Variants in CEP162 observed in about 807,000 individuals in gnomAD.
CEP162 encodes centrosomal protein of 162 kDa.
A neutral mutation model predicts 169.2 loss-of-function variants in CEP162; 141 were observed. The observed-to-expected ratio is 0.83, with a 90% confidence interval of 0.73 to 0.96. CEP162 has a LOEUF of 0.96. Ranked by LOEUF, CEP162 falls within the 40% of genes least tolerant of loss-of-function variation. The probability of loss-of-function intolerance (pLI) is 0.00; values close to 1 mark genes in which losing one functional copy is unlikely to be tolerated. For missense variants in CEP162, 1,600 were observed against 1,587.2 expected, an observed-to-expected ratio of 1.01 and a Z score of -0.14; for synonymous variants, 540 against 526.4, an observed-to-expected ratio of 1.03 and a Z score of -0.35.
rs1343054435 is a variant in CEP162, at chr6:84,193,669, A to G, written c.1049T>C (p.Leu350Pro). Residue 350 changes from leucine (L) to proline (P), a missense_variant, in exon 11 of 27, where the codon CTG becomes CCG. Physicochemically the swap from Leu to Pro is moderately conservative, Grantham distance 98. Transcript: ENST00000403245. ...MESDLPTVEE[L>P]MKPIRIDSFG... ...GGAATCTATTCTGATAGGTTTCATCAGCTCCTCTACTGTGGGCAGATCTAA... is the reference window on the plus strand; with the variant it reads ...GGAATCTATTCTGATAGGTTTCATCGGCTCCTCTACTGTGGGCAGATCTAA... 2 of 1,567,608 alleles carry G rather than the reference A, an allele frequency of 1.3e-6. No homozygotes were observed. Among genetic ancestry groups the G allele is most frequent in the Non-Finnish European group, 8.7e-7 (1 of 1,154,654 alleles).
intron 13 of CEP162, among the ~76,000 whole-genome samples, chr6:84,180,959 T>C (rs2099534549): frequency 6.6e-6 from 1 of 152,182 alleles, no homozygotes; most frequent in East Asian, 1.9e-4. Flanking sequence ...CCCATCAAGC[T>C]ACCAATGACT....
chr6:84,175,469 G>A, intron 13 of CEP162, 122 bp from the exon 14 acceptor site: 1 of 656,422 alleles, frequency 1.5e-6, no homozygotes, highest in Non-Finnish European at 2.5e-6. Flanking sequence ...AGAATAGGCT[G>A]ATGGACTACA....
intron 24 of CEP162, among the ~76,000 whole-genome samples, chr6:84,149,206 G>A (rs944043583): frequency 1.2e-4 from 18 of 151,968 alleles, no homozygotes; most frequent in Admixed American, 1.3e-4. Context: ...TTGGGGACTC[G>A]GTTCAACATC....
chr6:84,140,888 T>C (rs2099516302), intron 25 of CEP162, among the ~76,000 whole-genome samples: 1 of 152,158 alleles, frequency 6.6e-6, no homozygotes, highest in South Asian at 2.1e-4. Context: ...GACTTTTTGG[T>C]ACCAGGGACT....
intron 19 of CEP162, 39 bp downstream of exon 19, chr6:84,163,105 A>T: frequency 6.3e-7 from 1 of 1,597,184 alleles, no homozygotes; most frequent in Non-Finnish European, 8.6e-7. Context: ...TAGAACAGTT[A>T]TGATTATAAA....
intron 23 of CEP162, 90 bp from the exon 24 acceptor site, chr6:84,149,793 G>C: frequency 8.7e-7 from 1 of 1,150,902 alleles, no homozygotes. Context: ...AGAAACCTGG[G>C]AATTAAGCAA....
intron 17 of CEP162, among the ~76,000 whole-genome samples, chr6:84,170,533 T>G (rs1562037752): frequency 6.6e-6 from 1 of 152,116 alleles, no homozygotes; most frequent in Non-Finnish European, 1.5e-5. Flanking sequence ...CTTTTTCTAT[T>G]TTGCCTGACA....
intron 13 of CEP162, among the ~76,000 whole-genome samples, chr6:84,184,109 T>C (rs908032249): frequency 2.0e-5 from 3 of 152,158 alleles, no homozygotes; most frequent in African/African-American, 7.2e-5. Context: ...ACTGTGCACA[T>C]GATCCCTTCT....
intron 7 of CEP162, among the ~76,000 whole-genome samples, chr6:84,202,744 G>A (rs1393597856): frequency 6.6e-6 from 1 of 150,960 alleles, no homozygotes; most frequent in Non-Finnish European, 1.5e-5. Flanking sequence ...TGGCCAGGCT[G>A]GTGACCTATT....
Position 84,125,152 on chromosome 6 carries a change from A to G in CEP162, c.4130T>C (p.Leu1377Ser). The G allele has an allele frequency of 6.2e-7, 1 of 1,613,560 alleles. No individual in the cohort carries two copies. Among genetic ancestry groups the G allele is most frequent in the Middle Eastern group, 1.6e-4 (1 of 6,062 alleles). Residue 1377 changes from leucine to serine, a missense_variant, in exon 27 of 27, where the codon TTA (leucine) becomes TCA (serine). Transcript: ENST00000403245. Reference sequence around the variant, plus strand: ...CCGGTGCAGCTCTCGGAGAACATCTAATATTGAGTCTAGTTCTGTGCGGAA... The same window carrying G: ...CCGGTGCAGCTCTCGGAGAACATCTGATATTGAGTCTAGTTCTGTGCGGAA... Reference protein sequence around the residue: ...EKFRTELDSILDVLRELHRQG... With the variant: ...EKFRTELDSISDVLRELHRQG...
intron 2 of CEP162, among the ~76,000 whole-genome samples, chr6:84,225,403 C>T (rs1424613239): frequency 6.6e-6 from 1 of 152,134 alleles, no homozygotes; most frequent in Non-Finnish European, 1.5e-5. Flanking sequence ...GAAAAGTAAA[C>T]ATATGGTACA....
At chr6:84,223,779 C>T (rs1266394875) in intron 2 of CEP162, among the ~76,000 whole-genome samples, 1 of 151,618 alleles carries the variant, frequency 6.6e-6, no homozygotes, top group Non-Finnish European at 1.5e-5. Flanking sequence ...TGGTGGCAGG[C>T]GCCTGTAATC....
intron 6 of CEP162, among the ~76,000 whole-genome samples, chr6:84,211,079 C>A: frequency 6.6e-6 from 1 of 151,606 alleles, no homozygotes; most frequent in Non-Finnish European, 1.5e-5. Context: ...AACTAAATAG[C>A]CAACAGAAAA....
At chr6:84,217,303 G>C (rs1350824907) in intron 3 of CEP162, among the ~76,000 whole-genome samples, 1 of 152,096 alleles carries the variant, frequency 6.6e-6, no homozygotes, top group Admixed American at 6.5e-5. Context: ...AATAAAACAA[G>C]AAAGAGGAAC....
chr6:84,219,175 C>A (rs1235257177), intron 3 of CEP162: 3 of 1,290,070 alleles, frequency 2.3e-6, no homozygotes, highest in Non-Finnish European at 3.1e-6. Flanking sequence ...GTTCTACACT[C>A]TTGATACAGG....
At position 84,125,077 on chromosome 6, in the gene CEP162, T is replaced by G; in HGVS notation, c.4205A>C (p.Glu1402Ala). 1.2e-6 allele frequency: 2 copies of G among 1,610,634 alleles called. No individual in the cohort carries two copies. Among genetic ancestry groups the G allele is most frequent in the Non-Finnish European group, 1.7e-6 (2 of 1,177,738 alleles). The part of the protein sequence containing the change: ...VAFADEMNAP[E>A]Y ...ATGAAATCTGAATTTCTATTAATAC[T>G]CTGGTGCATTCATTTCATCTGCAAA... Residue 1402 changes from glutamate (E) to alanine (A), a missense_variant, in exon 27 of 27, where the codon GAG becomes GCG. Physicochemically the swap from Glu to Ala is moderately radical, Grantham distance 107. Transcript: ENST00000403245.
intron 2 of CEP162, among the ~76,000 whole-genome samples, chr6:84,223,681 C>T (rs914354753): frequency 4.6e-5 from 7 of 151,622 alleles, no homozygotes; most frequent in Admixed American, 2.6e-4. Flanking sequence ...CCGAGGCAGG[C>T]GGATCACTTG....
At chr6:84,206,989 A>G (rs1202770026) in intron 6 of CEP162, among the ~76,000 whole-genome samples, 1 of 152,270 alleles carries the variant, frequency 6.6e-6, no homozygotes, top group East Asian at 1.9e-4. Flanking sequence ...ATCACTGGTC[A>G]TCAGAGAAAT....
At chr6:84,219,157 C>G in intron 3 of CEP162, 3 of 1,292,772 alleles carry the variant, frequency 2.3e-6, no homozygotes, top group Non-Finnish European at 3.1e-6. Flanking sequence ...TGAATTCTCC[C>G]TCAGAAGGTT....
Sources: allele counts gnomAD v4.1 joint callset (sites outside exome capture counted in the v4.1 genomes callset), GRCh38; gene constraint gnomAD v4.1.1; transcripts MANE v1.5; gene names NCBI Gene and HGNC (gene_info 2026-07-23, HGNC 2026-07-21).